OGDH: variants seen among roughly 807,000 people sequenced by gnomAD.
The protein encoded by OGDH is oxoglutarate dehydrogenase.
In OGDH, 38 loss-of-function variants were observed where a neutral mutation model predicts 116.6. That is an observed-to-expected ratio of 0.33 (90% CI 0.25 to 0.43). The LOEUF is 0.43. Ranked by LOEUF, OGDH falls within the 20% of genes least tolerant of loss-of-function variation. The pLI is 1.00. For synonymous variants in OGDH, 488 were observed against 533.3 expected, an observed-to-expected ratio of 0.92 and a Z score of 1.17; for missense variants, 825 against 1,357.2, an observed-to-expected ratio of 0.61 and a Z score of 6.16.
intron 10 of OGDH, 53 bp downstream of exon 10, chr7:44,681,901 G>A (rs1787943645): frequency 6.3e-7 from 1 of 1,595,228 alleles, no homozygotes; most frequent in South Asian, 1.1e-5. Context: ...TACTTAGAAT[G>A]ACATCTCTGA....
Position 44,656,460 on chromosome 7 carries a change from G to C in OGDH, c.517+8701G>C, listed in dbSNP as rs908346165. 8 of 1,060,062 alleles carry C rather than the reference G, an allele frequency of 7.5e-6. No homozygotes were observed. The African/African-American group carries it at 7.9e-5, about 11-fold the overall frequency. 65.7% of individuals were successfully genotyped at this position (1,060,062 alleles called of 1,614,324 possible). A position where few individuals can be genotyped will look rare whatever the true frequency, so the allele number is the denominator to read the frequency against. On this transcript the variant is annotated intron_variant, in intron 4 of 22. Transcript: ENST00000222673. ...AGCATGCAATATGGGGAAAGTTGAC[G>C]CAACTTCTGTCACGTGTTTTTAAGT...
chr7:44,638,567 G>C (rs1340359669), intron 2 of OGDH, among the ~76,000 whole-genome samples: 2 of 152,206 alleles, frequency 1.3e-5, no homozygotes, highest in African/African-American at 4.8e-5. Flanking sequence ...GCCTACATCA[G>C]ACTGCAATTC....
intron 8 of OGDH, 38 bp from the exon 9 acceptor site, chr7:44,675,932 C>T (rs1787673882): frequency 6.2e-7 from 1 of 1,604,262 alleles, no homozygotes; most frequent in Non-Finnish European, 8.5e-7. Context: ...CTGAGCATCT[C>T]CTTGGCCAGG....
intron 2 of OGDH, among the ~76,000 whole-genome samples, chr7:44,636,384 C>A (rs1785669913): frequency 6.6e-6 from 1 of 152,232 alleles, no homozygotes; most frequent in South Asian, 2.1e-4. Flanking sequence ...TCAGGAAGGG[C>A]AGAGTCTGCT....
chr7:44,615,152 G>A (rs1378643281), intron 1 of OGDH, among the ~76,000 whole-genome samples: 1 of 152,180 alleles, frequency 6.6e-6, no homozygotes, highest in African/African-American at 2.4e-5. Context: ...GGCCCTTGGT[G>A]TAAAGAGTGA....
chr7:44,682,859 A>C (rs1004921571), intron 10 of OGDH, among the ~76,000 whole-genome samples: 8 of 151,818 alleles, frequency 5.3e-5, no homozygotes, highest in Non-Finnish European at 8.8e-5. Flanking sequence ...TCTTGAAAAA[A>C]ATAAATAGGC....
At chr7:44,700,027 A>G (rs1788757618) in intron 18 of OGDH, 114 bp from the exon 19 acceptor site, 2 of 1,155,290 alleles carry the variant, frequency 1.7e-6, no homozygotes, top group Non-Finnish European at 2.5e-6. Flanking sequence ...TTACAATTCA[A>G]CATGAGATTT....
chr7:44,624,350 C>T lies in OGDH; in HGVS notation c.7C>T (p.His3Tyr), dbSNP rs113587743. Residue 3 changes from histidine (H) to tyrosine (Y), a missense_variant, in exon 2 of 23, where the codon CAT becomes TAT. Physicochemically the swap from His to Tyr is moderately conservative, Grantham distance 83 (BLOSUM62 2). Transcript: ENST00000222673. ...GAAAAACTTCAGGACAAAAATGTTT[C>T]ATTTAAGGACTTGTGCTGCTAAGTT... MF[H>Y]LRTCAAKLRP... The T allele has an allele frequency of 2.4e-3, 2,729 of 1,130,772 alleles. 5 individuals are homozygous for T. Among genetic ancestry groups the T allele is most frequent in the Non-Finnish European group, 2.9e-3 (2,568 of 881,920 alleles). The allele number at this position is 1,130,772 out of a possible 1,614,324, so 70.0% of individuals were successfully genotyped here.
intron 2 of OGDH, among the ~76,000 whole-genome samples, chr7:44,632,518 G>A (rs928462051): frequency 6.6e-6 from 1 of 152,168 alleles, no homozygotes; most frequent in Non-Finnish European, 1.5e-5. Flanking sequence ...TGCCCAGGCT[G>A]GTCTCAAACT....
intron 4 of OGDH, among the ~76,000 whole-genome samples, chr7:44,666,256 G>A (rs1787180944): frequency 6.6e-6 from 1 of 152,104 alleles, no homozygotes; most frequent in Non-Finnish European, 1.5e-5. Context: ...CCCTCCTCCA[G>A]CTTTTTGACA....
chr7:44,693,172 G>A (rs1480426823), intron 10 of OGDH, among the ~76,000 whole-genome samples: 7 of 152,182 alleles, frequency 4.6e-5, no homozygotes, highest in Non-Finnish European at 2.9e-5. Context: ...GCCAGGCATG[G>A]TGGTGCGTGC....
chr7:44,658,623 G>A, intron 4 of OGDH, among the ~76,000 whole-genome samples: 1 of 152,016 alleles, frequency 6.6e-6, no homozygotes, highest in East Asian at 1.9e-4. Context: ...AGGTAAGAGT[G>A]GATAGCCTTA....
At chr7:44,652,008 G>A (rs1786470064) in intron 4 of OGDH, among the ~76,000 whole-genome samples, 1 of 151,164 alleles carries the variant, frequency 6.6e-6, no homozygotes, top group Non-Finnish European at 1.5e-5. Context: ...CCAGCCTAGT[G>A]ATTATTTTCA....
chr7:44,669,401 C>T (rs1258377743), intron 5 of OGDH, among the ~76,000 whole-genome samples: 1 of 152,034 alleles, frequency 6.6e-6, no homozygotes, highest in East Asian at 1.9e-4. Context: ...ATCCTCTTGC[C>T]TTCGTCTCCC....
Position 44,624,317 on chromosome 7 carries a change from G to A in OGDH, c.-27G>A, listed in dbSNP as rs1198195328. 4 of 1,030,762 alleles carry A rather than the reference G, an allele frequency of 3.9e-6. No individual in the cohort carries two copies. The South Asian group carries it at 4.3e-5, about 11-fold the overall frequency. The allele number at this position is 1,030,762 out of a possible 1,614,324, so 63.9% of individuals were successfully genotyped here. ...TTTTTTTTTTTTTTTTTTTGTACAG[G>A]CAGTTGTGAAAAACTTCAGGACAAA... On this transcript the variant is annotated splice_region_variant and 5_prime_UTR_variant, in exon 2 of 23. Coordinates refer to ENST00000222673, the MANE Select transcript of OGDH (RefSeq NM_002541.4).
intron 2 of OGDH, among the ~76,000 whole-genome samples, chr7:44,641,217 T>A (rs1469192507): frequency 7.4e-6 from 1 of 134,920 alleles, no homozygotes; most frequent in Non-Finnish European, 1.5e-5. Flanking sequence ...TTCTTTTTTT[T>A]TTTTTTTCTT....
intron 1 of OGDH, among the ~76,000 whole-genome samples, chr7:44,615,298 G>T (rs1487349386): frequency 6.6e-6 from 1 of 152,128 alleles, no homozygotes; most frequent in Non-Finnish European, 1.5e-5. Flanking sequence ...GCGGTGTCTG[G>T]GGGGAGGGAT....
At chr7:44,651,519 T>C (rs1297411581) in intron 4 of OGDH, among the ~76,000 whole-genome samples, 1 of 152,208 alleles carries the variant, frequency 6.6e-6, no homozygotes, top group Non-Finnish European at 1.5e-5. Flanking sequence ...GAACTTGTTA[T>C]GAATACAGTA....
intron 8 of OGDH, among the ~76,000 whole-genome samples, 188 bp from the exon 9 acceptor site, chr7:44,675,782 C>G (rs1395518761): frequency 1.3e-5 from 2 of 151,366 alleles, no homozygotes; most frequent in African/African-American, 4.9e-5. Flanking sequence ...GAGGCTGAGG[C>G]AGGAGAATCG....
Sources: gnomAD v4.1 joint callset for allele counts (sites outside exome capture counted in the v4.1 genomes callset) on GRCh38, gnomAD v4.1.1 for gene constraint, MANE v1.5 for transcripts, NCBI Gene and HGNC (gene_info 2026-07-23, HGNC 2026-07-21) for gene names.